The following PLEKHG1 variants were observed in gnomAD, a reference collection of about 807,000 sequenced individuals.
The protein encoded by PLEKHG1 is pleckstrin homology domain-containing family G member 1.
PLEKHG1 carries 44 observed loss-of-function variants against 100.8 expected under a neutral mutation model. The ratio of observed to expected loss-of-function variants is 0.44; its 90% CI spans 0.34 to 0.56. PLEKHG1 has a LOEUF of 0.56. Ranked by LOEUF, PLEKHG1 falls within the 20% of genes least tolerant of loss-of-function variation. The probability of loss-of-function intolerance (pLI) is 0.01; values close to 1 mark genes in which losing one functional copy is unlikely to be tolerated. For synonymous variants in PLEKHG1, 640 were observed against 662.5 expected (o/e 0.97, Z 0.52); for missense variants, 1,545 against 1,720.9 (o/e 0.90, Z 1.81).
At chr6:150,730,456 T>C (rs964047770) in intron 1 of PLEKHG1, among the ~76,000 whole-genome samples, 2 of 152,144 alleles carry the variant, frequency 1.3e-5, no homozygotes, top group African/African-American at 2.4e-5. Context: ...TAGGTCACAA[T>C]AGGGCTCGTG....
chr6:150,674,681 CTCCCCCCTCT>C (rs1779693992), intron 3 of PLEKHG1, among the ~76,000 whole-genome samples: 1 of 137,258 alleles, frequency 7.3e-6, no homozygotes, highest in Non-Finnish European at 1.6e-5. Context: ...CTCTCTCTCT[CTCCCCCCTCT>C]TCTCTTCTTT....
Position 150,756,970 on chromosome 6 carries a change from A to G in PLEKHG1, c.412-11668A>G, listed in dbSNP as rs11970672. On this transcript the variant is annotated intron_variant, in intron 2 of 15. Transcript: ENST00000358517. ...TCCAACACATGTTTAAGTAAAGTAT[A>G]TGATAATTGATCATGTGTATGTGGA... Among the ~76,000 whole-genome samples the G allele has an allele frequency of 4.0e-3, 611 of 152,158 alleles. 4 individuals are homozygous for G. Among genetic ancestry groups the G allele is most frequent in the African/African-American group, 0.013 (556 of 41,444 alleles).
intron 8 of PLEKHG1, 24 bp from the exon 10 acceptor site, chr6:150,809,357 C>T: frequency 6.2e-7 from 1 of 1,611,968 alleles, no homozygotes; most frequent in Non-Finnish European, 8.5e-7. Flanking sequence ...GTGTGCCTCA[C>T]CCTCTCTGCT....
At chr6:150,767,887 CA>C (rs1297510192) in intron 2 of PLEKHG1, among the ~76,000 whole-genome samples, 2 of 152,204 alleles carry the variant, frequency 1.3e-5, no homozygotes, top group Non-Finnish European at 2.9e-5. Context: ...CTGCCTCCTA[CA>C]GAATCCTTTT....
At chr6:150,779,476 G>C (rs1207804639) in intron 3 of PLEKHG1, among the ~76,000 whole-genome samples, 1 of 151,464 alleles carries the variant, frequency 6.6e-6, no homozygotes, top group African/African-American at 2.4e-5. Flanking sequence ...CTCCCGAGTA[G>C]CTGGGCTTAC....
chr6:150,682,495 C>T (rs1582936182), intron 3 of PLEKHG1, among the ~76,000 whole-genome samples: 1 of 152,056 alleles, frequency 6.6e-6, no homozygotes, highest in African/African-American at 2.4e-5. Context: ...ACCCTTTCCA[C>T]CCGGCCAGGT....
chr6:150,807,660 A>G (rs1017697292), intron 7 of PLEKHG1, among the ~76,000 whole-genome samples: 3 of 152,152 alleles, frequency 2.0e-5, no homozygotes, highest in Admixed American at 2.0e-4. Flanking sequence ...AATGAATACA[A>G]AACTTTACTT....
chr6:150,634,091 A>C lies in PLEKHG1; in HGVS notation c.-203-3989A>C, dbSNP rs201507251. ...ACCCCGTCTCTACTAACAACAACAA[A>C]AAAAAATCCGGGCGTGGTGGCAGGT... On this transcript the variant is annotated intron_variant, in intron 1 of 3. Coordinates refer to the PLEKHG1 transcript ENST00000367326. Among the ~76,000 whole-genome samples, 624 of 147,362 alleles carry C rather than the reference A, an allele frequency of 4.2e-3. 2 individuals are homozygous for C. Among genetic ancestry groups the C allele is most frequent in the East Asian group, 0.023 (117 of 5,038 alleles).
intron 3 of PLEKHG1, among the ~76,000 whole-genome samples, chr6:150,713,850 C>G (rs371375059): frequency 1.3e-5 from 2 of 152,180 alleles, no homozygotes; most frequent in South Asian, 4.1e-4. Context: ...AGGCTAGCAA[C>G]TGGAGTTTGC....
At chr6:150,826,319 A>G (rs866579337) in intron 14 of PLEKHG1, among the ~76,000 whole-genome samples, 1 of 151,994 alleles carries the variant, frequency 6.6e-6, no homozygotes, top group South Asian at 2.1e-4. Flanking sequence ...TTAGCCGGGC[A>G]TAGCGGCATG....
At chr6:150,823,590 GTGCT>G (rs1776426327) in intron 13 of PLEKHG1, 60 bp from the exon 15 acceptor site, 5 of 1,078,056 alleles carry the variant, frequency 4.6e-6, no homozygotes, top group South Asian at 3.9e-5. Context: ...TAAAATATTA[GTGCT>G]TACTTATATA....
At chr6:150,720,900 G>C (rs1030008979), upstream of PLEKHG1, among the ~76,000 whole-genome samples, 9 of 152,160 alleles carry the variant, frequency 5.9e-5, no homozygotes, top group African/African-American at 2.2e-4. Context: ...GTGCATTTTC[G>C]AGTTACCCAC....
rs534595849 is a variant in PLEKHG1 at position 150,795,670 on chromosome 6, C to T, written c.583-186C>T. Among the ~76,000 whole-genome samples the T allele has an allele frequency of 1.7e-4, 25 of 150,530 alleles. No individual in the cohort carries two copies. In the South Asian group the frequency reaches 4.4e-3, roughly 27 times the overall value. ...CGGGGAGGCGGAGGTTGCAGTGAGC[C>T]GAGATCATGCCATTGTACTCCAGCC... is the stretch of plus-strand genomic sequence containing the variant. On this transcript the variant is annotated intron_variant, in intron 4 of 15. Coordinates refer to ENST00000358517, the Ensembl canonical transcript of PLEKHG1.
At chr6:150,826,079 G>C (rs1190204092) in intron 14 of PLEKHG1, among the ~76,000 whole-genome samples, 1 of 152,046 alleles carries the variant, frequency 6.6e-6, no homozygotes, top group Non-Finnish European at 1.5e-5. Flanking sequence ...CCACTCAGGA[G>C]GCTGAGGCAG....
intron 3 of PLEKHG1, among the ~76,000 whole-genome samples, chr6:150,780,899 A>C (rs1343953551): frequency 6.6e-6 from 1 of 151,856 alleles, no homozygotes; most frequent in African/African-American, 2.4e-5. Flanking sequence ...TCTGAGACAG[A>C]GTCTCACTCT....
chr6:150,720,311 GAAATCAA>G (rs1440680255), upstream of PLEKHG1, among the ~76,000 whole-genome samples: 2 of 152,050 alleles, frequency 1.3e-5, no homozygotes, highest in Admixed American at 1.3e-4. Flanking sequence ...TGGTCTTAGA[GAAATCAA>G]AAACCCAAAA....
Position 150,831,720 on chromosome 6 carries a change from A to G in PLEKHG1, c.2609A>G (p.Asp870Gly). The change falls in exon 15 of 16, where the codon GAC (aspartate) becomes GGC (glycine). Residue 870 changes from aspartate to glycine, a missense_variant. Transcript: ENST00000358517. The surrounding 1 kb of genome is among the most constrained non-coding windows in gnomAD (Gnocchi z 4.1). The stretch of plus-strand genomic sequence containing the variant: ...CCTGTGAGCAAGGATGATGTGCCAG[A>G]CAGGCTGCACGCAGAGAGCACCCCT... 6.2e-7 allele frequency: 1 copy of G among 1,613,368 alleles called. No homozygotes were observed. Among genetic ancestry groups the G allele is most frequent in the South Asian group, 1.1e-5 (1 of 91,086 alleles).
At position 150,696,303 on chromosome 6, in the gene PLEKHG1, C is replaced by A. The variant is rs115450716; in HGVS notation, c.-98-37281C>A. Among the ~76,000 whole-genome samples the A allele has an allele frequency of 3.7e-3, 561 of 152,292 alleles. 3 individuals are homozygous for A. The highest frequency in any genetic ancestry group is 0.013 in the African/African-American group (540 of 41,576). ...TGCAGCCAGGGAGAAGCAGAGGGCTCTTTGAGCGACGTCTGCTTCCCCCTC... is the reference window on the plus strand; with the variant it reads ...TGCAGCCAGGGAGAAGCAGAGGGCTATTTGAGCGACGTCTGCTTCCCCCTC... On this transcript the variant is annotated intron_variant, in intron 3 of 3. Transcript: ENST00000367326.
intron 1 of PLEKHG1, among the ~76,000 whole-genome samples, chr6:150,626,509 G>A (rs1035907009): frequency 1.6e-4 from 25 of 152,034 alleles, no homozygotes; most frequent in Admixed American, 9.2e-4. Flanking sequence ...GTTTACTGCC[G>A]GGCTCTCCGG....
Sources: gnomAD v4.1 joint callset for allele counts (sites outside exome capture counted in the v4.1 genomes callset) on GRCh38, gnomAD v4.1.1 for gene constraint, Gnocchi (gnomAD v3.1) non-coding constraint, MANE v1.5 for transcripts, NCBI Gene and HGNC (gene_info 2026-07-23, HGNC 2026-07-21) for gene names.